The following TTLL4 variants were observed in gnomAD, a reference collection of about 807,000 sequenced individuals.
TTLL4 encodes the protein tubulin tyrosine ligase like 4.
In TTLL4, 85 loss-of-function variants were observed where a neutral mutation model predicts 122.7. The ratio of observed to expected loss-of-function variants is 0.69; its 90% CI spans 0.58 to 0.83. The LOEUF is 0.83. Among genes scored for constraint, TTLL4 ranks in the 40% least tolerant of loss-of-function variants. The probability of loss-of-function intolerance (pLI) is 0.00; values close to 1 mark genes in which losing one functional copy is unlikely to be tolerated. For synonymous variants in TTLL4, 553 were observed against 563.0 expected (o/e 0.98, Z 0.25); for missense variants, 1,363 against 1,488.6 (o/e 0.92, Z 1.39).
In TTLL4 at chr2:218,745,560, G is replaced by C. The variant is rs540290753; in HGVS notation, c.1787-131G>C. ...CCAAAGTGTGCTCCTCTGAAACCCT[G>C]ATCTGGAGCAATAGTTAGTGACTTG... is the stretch of plus-strand genomic sequence containing the variant. On this transcript the variant is annotated intron_variant, in intron 6 of 19. Coordinates refer to ENST00000392102, the MANE Select transcript of TTLL4 (RefSeq NM_014640.5). 140 of 696,558 alleles carry C rather than the reference G, an allele frequency of 2.0e-4. No homozygotes were observed. In the African/African-American group the frequency reaches 2.1e-3, roughly 10 times the overall value. 43.1% of individuals were successfully genotyped at this position (696,558 alleles called of 1,614,324 possible).
At chr2:218,734,999 G>A (rs1942477733) in intron 2 of TTLL4, among the ~76,000 whole-genome samples, 1 of 152,104 alleles carries the variant, frequency 6.6e-6, no homozygotes, top group Non-Finnish European at 1.5e-5. Flanking sequence ...TCCAGTTTTA[G>A]CATTTATGCT....
downstream of TTLL4, among the ~76,000 whole-genome samples, chr2:218,755,664 T>C (rs1347063912): frequency 1.3e-5 from 2 of 152,178 alleles, no homozygotes; most frequent in African/African-American, 2.4e-5. Context: ...GTGGCACATA[T>C]AAGAAGCCAA....
intron 1 of TTLL4, among the ~76,000 whole-genome samples, chr2:218,712,020 C>T (rs1053531189): frequency 1.3e-5 from 2 of 151,968 alleles, no homozygotes; most frequent in African/African-American, 4.8e-5. Flanking sequence ...AGAAAGTTAG[C>T]AGCTACTTAT....
At chr2:218,748,301 G>T in intron 12 of TTLL4, 74 bp downstream of exon 12, 1 of 1,582,776 alleles carries the variant, frequency 6.3e-7, no homozygotes, top group East Asian at 2.3e-5. Flanking sequence ...GGGAGGTTCA[G>T]GGGCATGGCG....
At chr2:218,728,944 CG>C (rs57886887) in intron 2 of TTLL4, among the ~76,000 whole-genome samples, 2,939 of 108,612 alleles carry the variant, frequency 0.027, 149 homozygotes, top group African/African-American at 0.1. Context: ...TTTTTTTTGG[CG>C]GGGGGGGGCA....
At position 218,746,168 on chromosome 2, in the gene TTLL4, G is replaced by A; in HGVS notation, c.1911G>A (p.Trp637Ter). 1.2e-6 allele frequency: 2 copies of A among 1,614,162 alleles called. No homozygotes were observed. Among genetic ancestry groups the A allele is most frequent in the Non-Finnish European group, 1.7e-6 (2 of 1,180,036 alleles). ...HFKISKRNDD[W>*]LGCWGHHMKS... ...TACCTCCCATAGGAAACGATGACTGGCTGGGCTGCTGGGGTCACCACATGA... is the reference window on the plus strand; with the variant it reads ...TACCTCCCATAGGAAACGATGACTGACTGGGCTGCTGGGGTCACCACATGA... The change falls in exon 8 of 20, where the codon TGG becomes TGA. Residue 637 changes from tryptophan (W) to a stop codon, truncating the protein, a stop_gained. Coordinates refer to ENST00000392102, the MANE Select transcript of TTLL4 (RefSeq NM_014640.5). LOFTEE classifies it high-confidence loss of function.
chr2:218,747,976 A>G lies in TTLL4; in HGVS notation c.2379-129A>G. The G allele has an allele frequency of 7.5e-7, 1 of 1,327,112 alleles. No individual in the cohort carries two copies. Among genetic ancestry groups the G allele is most frequent in the South Asian group, 1.3e-5 (1 of 74,470 alleles). 82.2% of individuals were successfully genotyped at this position (1,327,112 alleles called of 1,614,324 possible). On this transcript the variant is annotated intron_variant, in intron 11 of 19. Coordinates refer to ENST00000392102, the MANE Select transcript of TTLL4 (RefSeq NM_014640.5). The surrounding 1 kb of genome is among the most constrained non-coding windows in gnomAD (Gnocchi z 4.7). Reference sequence around the variant, plus strand: ...AACTTTGCCAGTAGACACACTTCTCAGGCTCTTGTGGCTATGAAAAGATCT... The same window carrying G: ...AACTTTGCCAGTAGACACACTTCTCGGGCTCTTGTGGCTATGAAAAGATCT...
chr2:218,753,061 T>A, intron 17 of TTLL4, 54 bp from the exon 18 acceptor site: 1 of 1,612,974 alleles, frequency 6.2e-7, no homozygotes, highest in Non-Finnish European at 8.5e-7. Context: ...CTGGAAAGAA[T>A]TGGCCAATTG....
intron 1 of TTLL4, among the ~76,000 whole-genome samples, chr2:218,717,101 G>A (rs1273223715): frequency 2.6e-5 from 4 of 151,786 alleles, no homozygotes; most frequent in African/African-American, 9.7e-5. Context: ...CCTACCACAG[G>A]CATGCACCAC....
chr2:218,734,956 T>G (rs1245397795), intron 2 of TTLL4, among the ~76,000 whole-genome samples: 1 of 152,234 alleles, frequency 6.6e-6, no homozygotes, highest in African/African-American at 2.4e-5. Context: ...GTCCATTTTC[T>G]GTAACCTCAT....
Position 218,745,116 on chromosome 2 carries a change from A to G in TTLL4, c.1669A>G (p.Met557Val). 1 of 1,613,974 alleles carries G rather than the reference A, an allele frequency of 6.2e-7. No homozygotes were observed. The highest frequency in any genetic ancestry group is 8.5e-7 in the Non-Finnish European group (1 of 1,179,928). ...ESVAMISRSC[M>V]EILTKPLSNH... Reference sequence around the variant, plus strand: ...GTTTGTTTTTCGTCTTAGAAGCTGTATGGAAATTCTGACCAAACCCCTTTC... The same window carrying G: ...GTTTGTTTTTCGTCTTAGAAGCTGTGTGGAAATTCTGACCAAACCCCTTTC... Residue 557 changes from methionine (M) to valine (V), a missense_variant, in exon 6 of 20, where the codon ATG becomes GTG. Around this residue, in one of 3 missense-constraint regions of TTLL4, gnomAD observed 760 missense variants for 808.4 expected, o/e 0.94. Transcript: ENST00000392102.
rs755097703 is a variant in TTLL4, at chr2:218,750,261, T to A, written c.2873+115T>A. ...CTGCCAGGTTCCCCTTGCTGCTCAA[T>A]CTTGCCCCTACAGTCCACTAACATG... On this transcript the variant is annotated intron_variant, in intron 15 of 19. Transcript: ENST00000392102. 91 of 1,436,834 alleles carry A rather than the reference T, an allele frequency of 6.3e-5. 1 individual carries two copies. The highest frequency in any genetic ancestry group is 8.4e-5 in the Non-Finnish European group (90 of 1,075,216). 89.0% of individuals were successfully genotyped at this position (1,436,834 alleles called of 1,614,324 possible).
At chr2:218,758,228 T>A (rs1484123173), downstream of TTLL4, among the ~76,000 whole-genome samples, 1 of 152,158 alleles carries the variant, frequency 6.6e-6, no homozygotes, top group East Asian at 1.9e-4. Context: ...TGTGTCATAA[T>A]TATAATAGAC....
chr2:218,711,250 C>A (rs1168466378), intron 1 of TTLL4, among the ~76,000 whole-genome samples: 1 of 152,222 alleles, frequency 6.6e-6, no homozygotes, highest in Non-Finnish European at 1.5e-5. Flanking sequence ...CCTCGGAGCC[C>A]TTCTCCTCTC....
chr2:218,756,233 T>C (rs1017225737), downstream of TTLL4, among the ~76,000 whole-genome samples: 1 of 152,104 alleles, frequency 6.6e-6, no homozygotes, highest in Non-Finnish European at 1.5e-5. Flanking sequence ...GAAAACGAAC[T>C]TCAGTTCTTT....
rs1942804889 is a variant in TTLL4, at chr2:218,745,137, C to G, written c.1690C>G (p.Leu564Val). The G allele has an allele frequency of 2.5e-6, 4 of 1,614,028 alleles. No individual in the cohort carries two copies. The East Asian group carries it at 6.7e-5, about 27-fold the overall frequency. The change falls in exon 6 of 20, where the codon CTT becomes GTT. Residue 564 changes from leucine (L) to valine (V), a missense_variant. Leu to Val is a conservative substitution (Grantham distance 32). This residue lies in a region of TTLL4 where 760 missense variants were observed against 808.4 expected (regional missense o/e 0.94). Transcript: ENST00000392102. ...RSCMEILTKPLSNHEKVVRPA... is the reference protein window; with the variant it reads ...RSCMEILTKPVSNHEKVVRPA... The stretch of plus-strand genomic sequence containing the variant: ...CTGTATGGAAATTCTGACCAAACCC[C>G]TTTCCAATCATGAGAAAGTTGTCCG...
At chr2:218,759,527 CAGAA>C (rs550212058), downstream of TTLL4, among the ~76,000 whole-genome samples, 181 of 152,284 alleles carry the variant, frequency 1.2e-3, no homozygotes, top group African/African-American at 4.1e-3. Flanking sequence ...ACTATAGTCA[CAGAA>C]AGCAGAACAG....
chr2:218,740,665 A>T, intron 5 of TTLL4, 81 bp downstream of exon 5: 1 of 1,509,860 alleles, frequency 6.6e-7, no homozygotes, highest in Non-Finnish European at 9.2e-7. Flanking sequence ...CACTCAAGTC[A>T]TTAATGGCCT....
intron 13 of TTLL4, 133 bp downstream of exon 13, chr2:218,749,067 G>A: frequency 8.0e-7 from 1 of 1,246,884 alleles, no homozygotes. Flanking sequence ...GGAAGGAGTG[G>A]CCAGAGTTAA....
Sources: gnomAD v4.1 joint callset for allele counts (sites outside exome capture counted in the v4.1 genomes callset) on GRCh38, gnomAD v4.1.1 for gene constraint, gnomAD v4.1.1 regional missense constraint, Gnocchi (gnomAD v3.1) non-coding constraint, MANE v1.5 for transcripts, NCBI Gene and HGNC (gene_info 2026-07-23, HGNC 2026-07-21) for gene names.